The following SCAPER variants were observed in gnomAD, a reference collection of about 807,000 sequenced individuals.
SCAPER encodes the protein S-phase cyclin A associated protein in the ER, also known as S phase cyclin A-associated protein in the endoplasmic reticulum.
A neutral mutation model predicts 182.2 loss-of-function variants in SCAPER; 98 were observed. The ratio of observed to expected loss-of-function variants is 0.54; its 90% CI spans 0.46 to 0.64. The LOEUF is 0.64. SCAPER is among the 30% of genes least tolerant of loss of function. SCAPER has a pLI of 0.00. For synonymous variants in SCAPER, 605 were observed against 564.6 expected (o/e 1.07, Z -1.01); for missense variants, 1,432 against 1,690.0 (o/e 0.85, Z 2.68).
chr15:76,653,565 A>G (rs1463179771), intron 21 of SCAPER, among the ~76,000 whole-genome samples: 1 of 152,218 alleles, frequency 6.6e-6, no homozygotes, highest in African/African-American at 2.4e-5. Context: ...CACATCTGCA[A>G]CCATCTCATC....
chr15:76,374,907 A>G (rs921471793), intron 29 of SCAPER, among the ~76,000 whole-genome samples: 2 of 151,612 alleles, frequency 1.3e-5, no homozygotes, highest in Non-Finnish European at 2.9e-5. Context: ...TAAAAAATCT[A>G]TAACAGATTT....
intron 9 of SCAPER, among the ~76,000 whole-genome samples, chr15:76,772,198 T>G (rs1316211818): frequency 6.6e-6 from 1 of 152,032 alleles, no homozygotes; most frequent in Non-Finnish European, 1.5e-5. Flanking sequence ...TTCTAAGAAA[T>G]TAAGCAATTT....
rs546981684 is a variant in SCAPER at position 76,769,144 on chromosome 15, G to GA, written c.1249-2057dup. Reference sequence around the variant, plus strand: ...ATAAAGAACTTAAACAAATTTACAAGAAAAAAACAAACAACCTGGCCAGGC... The same window carrying GA: ...ATAAAGAACTTAAACAAATTTACAAGAAAAAAAACAAACAACCTGGCCAGGC... On this transcript the variant is annotated intron_variant, in intron 10 of 31. Coordinates refer to ENST00000563290, the MANE Select transcript of SCAPER (RefSeq NM_020843.4). Among the ~76,000 whole-genome samples the GA allele has an allele frequency of 1.3e-3, 200 of 151,900 alleles. 1 individual carries two copies. The highest frequency in any genetic ancestry group is 4.4e-3 in the African/African-American group (184 of 41,432).
intron 27 of SCAPER, among the ~76,000 whole-genome samples, 167 bp from the exon 28 acceptor site, chr15:76,381,782 T>G (rs1464163143): frequency 6.6e-6 from 1 of 152,192 alleles, no homozygotes; most frequent in Non-Finnish European, 1.5e-5. Context: ...CCCCACCAAC[T>G]GCACTGTGGC....
chr15:76,588,502 G>C (rs2145628347), intron 22 of SCAPER, among the ~76,000 whole-genome samples: 1 of 152,270 alleles, frequency 6.6e-6, no homozygotes, highest in Admixed American at 6.5e-5. Flanking sequence ...AGTTAGGTGA[G>C]TCTCTTGAAG....
At chr15:76,373,885 G>A (rs2042355978) in intron 29 of SCAPER, among the ~76,000 whole-genome samples, 1 of 151,760 alleles carries the variant, frequency 6.6e-6, no homozygotes, top group Non-Finnish European at 1.5e-5. Context: ...CCGAGTTCTT[G>A]GGCCTGCCTT....
intron 24 of SCAPER, among the ~76,000 whole-genome samples, chr15:76,478,851 A>T (rs916337798): frequency 3.9e-5 from 6 of 152,196 alleles, no homozygotes; most frequent in African/African-American, 1.4e-4. Flanking sequence ...TATTAAATTA[A>T]GAATAATGTG....
chr15:76,673,950 TATACACAC>T (rs1237649358), intron 20 of SCAPER, among the ~76,000 whole-genome samples: 184 of 77,064 alleles, frequency 2.4e-3, no homozygotes, highest in South Asian at 5.5e-3. Flanking sequence ...ATAATTTATC[TATACACAC>T]ACACACACAC....
chr15:76,488,011 C>T (rs1014081036), intron 24 of SCAPER, among the ~76,000 whole-genome samples: 4 of 152,100 alleles, frequency 2.6e-5, no homozygotes, highest in Admixed American at 6.5e-5. Flanking sequence ...ATTAATAGAT[C>T]TAGGAACCTC....
At chr15:76,810,181 A>T (rs773784057) in intron 5 of SCAPER, among the ~76,000 whole-genome samples, 4 of 152,172 alleles carry the variant, frequency 2.6e-5, no homozygotes, top group Non-Finnish European at 5.9e-5. Context: ...TTGGAAAACA[A>T]AATATATAAA....
chr15:76,791,935 G>T (rs1020130797), intron 8 of SCAPER, among the ~76,000 whole-genome samples: 6 of 148,738 alleles, frequency 4.0e-5, no homozygotes, highest in South Asian at 4.3e-4. Flanking sequence ...CAAATGATTG[G>T]TTTTTTTTTG....
chr15:76,505,403 A>C (rs2041485538), intron 23 of SCAPER, among the ~76,000 whole-genome samples: 1 of 152,188 alleles, frequency 6.6e-6, no homozygotes, highest in South Asian at 2.1e-4. Context: ...TGTAGGAAAA[A>C]ATCTAATAAT....
At position 76,434,301 on chromosome 15, in the gene SCAPER, G is replaced by C. The variant is rs758345407; in HGVS notation, c.3088C>G (p.Pro1030Ala). ...CCCAAAATAGTATTATTTTCATCTG[G>C]AACATAAACCTAGATGAAAAAAAAG... Reference protein sequence around the residue: ...LLIHQLTVYVPDENNTILGRN... With the variant: ...LLIHQLTVYVADENNTILGRN... Residue 1030 changes from proline (P) to alanine (A), a missense_variant, in exon 26 of 32, where the codon CCA becomes GCA. Coordinates refer to ENST00000563290, the MANE Select transcript of SCAPER (RefSeq NM_020843.4). 2.7e-5 allele frequency: 43 copies of C among 1,602,928 alleles called. 1 individual carries two copies. Among genetic ancestry groups the C allele is most frequent in the Non-Finnish European group, 3.5e-5 (41 of 1,173,586 alleles).
intron 4 of SCAPER, among the ~76,000 whole-genome samples, chr15:76,842,621 A>G (rs890472221): frequency 4.6e-5 from 7 of 152,206 alleles, no homozygotes; most frequent in Admixed American, 4.6e-4. Flanking sequence ...GTATGAAAAC[A>G]GACTAATACA....
intron 1 of SCAPER, among the ~76,000 whole-genome samples, chr15:76,900,342 T>TAAAAAAAAAAAAAAA (rs56677318): frequency 1.7e-5 from 1 of 59,112 alleles, no homozygotes; most frequent in Non-Finnish European, 3.6e-5. Flanking sequence ...CAATAAATAC[T>TAAAAAAAAAAAAAAA]AAAAAAAAAA....
intron 5 of SCAPER, among the ~76,000 whole-genome samples, chr15:76,811,845 A>C (rs2151582225): frequency 6.6e-6 from 1 of 151,934 alleles, no homozygotes; most frequent in African/African-American, 2.4e-5. Context: ...AAACAAAACA[A>C]AACAAAAAAG....
chr15:76,719,638 T>C (rs1352124552), intron 17 of SCAPER, among the ~76,000 whole-genome samples: 2 of 152,176 alleles, frequency 1.3e-5, no homozygotes, highest in South Asian at 4.1e-4. Flanking sequence ...TATCTATATG[T>C]ACACTACAAC....
intron 25 of SCAPER, among the ~76,000 whole-genome samples, chr15:76,453,742 C>G (rs1395429184): frequency 6.6e-6 from 1 of 152,150 alleles, no homozygotes; most frequent in Non-Finnish European, 1.5e-5. Flanking sequence ...TGAAATTAGG[C>G]AAATATCCTG....
At chr15:76,504,829 G>A (rs372491242) in intron 24 of SCAPER, 30 bp downstream of exon 24, 239 of 1,537,462 alleles carry the variant, frequency 1.6e-4, no homozygotes, top group Non-Finnish European at 2.0e-4. Context: ...CAAATGAAAC[G>A]TAAAAAATAG....
Sources: gnomAD v4.1 joint callset for allele counts (sites outside exome capture counted in the v4.1 genomes callset) on GRCh38, gnomAD v4.1.1 for gene constraint, MANE v1.5 for transcripts, NCBI Gene and HGNC (gene_info 2026-07-23, HGNC 2026-07-21) for gene names.